Variants in TERF1 observed in about 807,000 individuals in gnomAD.
The protein encoded by TERF1 is telomeric repeat-binding factor 1.
Under a neutral mutation model 55.1 loss-of-function variants are expected in TERF1, and 20 were observed. The ratio of observed to expected loss-of-function variants is 0.36; its 90% CI spans 0.26 to 0.53. The LOEUF is 0.53. Among genes scored for constraint, TERF1 ranks in the 20% least tolerant of loss-of-function variants. The pLI, the probability that TERF1 is intolerant of heterozygous loss-of-function variation, is 0.91. For synonymous variants in TERF1, 168 were observed against 181.2 expected (o/e 0.93, Z 0.59); for missense variants, 439 against 535.7 (o/e 0.82, Z 1.78).
At chr8:73,022,581 TC>T (rs1416151637) in intron 4 of TERF1, among the ~76,000 whole-genome samples, 1 of 151,566 alleles carries the variant, frequency 6.6e-6, no homozygotes, top group African/African-American at 2.4e-5. Flanking sequence ...CATGGAGAGA[TC>T]CTCATCTCTC....
chr8:73,027,095 G>A lies in TERF1; in HGVS notation c.887+43G>A, dbSNP rs186810584. Reference sequence around the variant, plus strand: ...TTTGTATATTTTTTGTTTTATGAATGTTCTGTCTTTATGTAAAATTGATAT... The same window carrying A: ...TTTGTATATTTTTTGTTTTATGAATATTCTGTCTTTATGTAAAATTGATAT... On this transcript the variant is annotated intron_variant, in intron 6 of 9. Transcript: ENST00000276603. The A allele has an allele frequency of 6.4e-5, 90 of 1,395,398 alleles. No homozygotes were observed. In the East Asian group the frequency reaches 2.0e-3, roughly 31 times the overall value. 86.4% of individuals were successfully genotyped at this position (1,395,398 alleles called of 1,614,324 possible).
chr8:73,042,146 T>C (rs558427883), intron 9 of TERF1, among the ~76,000 whole-genome samples: 7 of 152,306 alleles, frequency 4.6e-5, no homozygotes, highest in Middle Eastern at 3.4e-3. Flanking sequence ...ACATGTTAGA[T>C]TGGAAACCAG....
At position 73,030,742 on chromosome 8, in the gene TERF1, G is replaced by A. The variant is rs533784503; in HGVS notation, c.947+347G>A. 12 of 183,148 alleles carry A rather than the reference G, an allele frequency of 6.6e-5. No individual in the cohort carries two copies. The East Asian group carries it at 1.4e-3, about 21-fold the overall frequency. 11.3% of individuals were successfully genotyped at this position (183,148 alleles called of 1,614,324 possible). A position where few individuals can be genotyped will look rare whatever the true frequency, so the allele number is the denominator to read the frequency against. ...GATGGCAATTACATTTCTAATGAAT[G>A]CCCCATGCCAATTTTATGAAAGTTA... On this transcript the variant is annotated intron_variant, in intron 7 of 9. Transcript: ENST00000276603.
intron 3 of TERF1, 22 bp from the exon 4 acceptor site, chr8:73,022,194 G>A (rs1554554046): frequency 1.4e-6 from 2 of 1,475,230 alleles, no homozygotes; most frequent in African/African-American, 2.9e-5. Flanking sequence ...GCAGTCTAAG[G>A]TTGGTATTTT....
chr8:73,035,897 G>A (rs1461219020), intron 8 of TERF1, among the ~76,000 whole-genome samples: 2 of 152,114 alleles, frequency 1.3e-5, no homozygotes, highest in East Asian at 1.9e-4. Flanking sequence ...GTTCCATATT[G>A]TCAGGGAAAA....
At chr8:73,039,293 T>A in intron 9 of TERF1, 74 bp downstream of exon 9, 1 of 1,091,796 alleles carries the variant, frequency 9.2e-7, no homozygotes, top group Non-Finnish European at 1.3e-6. Flanking sequence ...TGATTATTTC[T>A]GTTCAACCTC....
intron 5 of TERF1, among the ~76,000 whole-genome samples, chr8:73,026,575 G>A (rs1809011431): frequency 6.6e-6 from 1 of 151,250 alleles, no homozygotes; most frequent in Non-Finnish European, 1.5e-5. Context: ...AGTTGACAGT[G>A]TTATAGTGGA....
At chr8:73,027,458 C>G (rs990305051) in intron 6 of TERF1, among the ~76,000 whole-genome samples, 2 of 152,164 alleles carry the variant, frequency 1.3e-5, no homozygotes. Flanking sequence ...ACTGCTTCAT[C>G]TGGTGCTCAA....
chr8:73,022,788 A>G (rs1239616660), intron 4 of TERF1, among the ~76,000 whole-genome samples: 3 of 152,108 alleles, frequency 2.0e-5, no homozygotes, highest in Admixed American at 2.0e-4. Flanking sequence ...TCTCTACAAA[A>G]AAATTAAAAA....
Position 73,034,243 on chromosome 8 carries a change from T to G in TERF1, c.1039+2110T>G, listed in dbSNP as rs1435745303. Among the ~76,000 whole-genome samples the G allele has an allele frequency of 2.0e-5, 3 of 152,248 alleles. No homozygotes were observed. In the East Asian group the frequency reaches 5.8e-4, roughly 29 times the overall value. On this transcript the variant is annotated intron_variant, in intron 8 of 9. Transcript: ENST00000276603. ...ATTTCCAGGTTTCAAGCAATTCTCCTGCCTCAGCCTCCTGAGTAGCTGGGA... is the reference window on the plus strand; with the variant it reads ...ATTTCCAGGTTTCAAGCAATTCTCCGGCCTCAGCCTCCTGAGTAGCTGGGA...
chr8:73,032,754 TTTAA>T (rs1347459108), intron 8 of TERF1, among the ~76,000 whole-genome samples: 1 of 152,116 alleles, frequency 6.6e-6, no homozygotes, highest in Non-Finnish European at 1.5e-5. Context: ...AGTAGTTACG[TTTAA>T]TAAAGTCTGA....
At chr8:73,027,579 CA>C (rs1483978839) in intron 6 of TERF1, among the ~76,000 whole-genome samples, 1 of 152,078 alleles carries the variant, frequency 6.6e-6, no homozygotes, top group African/African-American at 2.4e-5. Flanking sequence ...TAGGGATTTT[CA>C]GGGGTGATTG....
chr8:73,042,864 G>C (rs562819024), intron 9 of TERF1: 32 of 152,202 alleles, frequency 2.1e-4, no homozygotes, highest in Non-Finnish European at 3.8e-4. Context: ...TTTTGTATTT[G>C]ATTTTTTGAG....
Position 73,033,699 on chromosome 8 carries a change from G to A in TERF1, c.1039+1566G>A, listed in dbSNP as rs567622950. ...TGCACTCCAGCCTGTGTGACAGAGC[G>A]AGACTGTCTCAAAAAAGAGAAAACA... is the stretch of plus-strand genomic sequence containing the variant. On this transcript the variant is annotated intron_variant, in intron 8 of 9. Transcript: ENST00000276603. 1.9e-4 allele frequency among the ~76,000 whole-genome samples: 29 copies of A among 152,216 alleles called. No individual in the cohort carries two copies. In the South Asian group the frequency reaches 5.6e-3, roughly 29 times the overall value.
Position 73,014,225 on chromosome 8 carries a change from ATTAC to A in TERF1, c.415+239_415+242del, listed in dbSNP as rs559504274. Reference sequence around the variant, plus strand: ...TTCTCAAACTTTAGCCTGCTCCAGAATTACTTAAAGGGCTTATTAAAAAAAAAAA... The same window carrying A: ...TTCTCAAACTTTAGCCTGCTCCAGAATTAAAGGGCTTATTAAAAAAAAAAA... On this transcript the variant is annotated intron_variant, in intron 2 of 9. Transcript: ENST00000276603. Among the ~76,000 whole-genome samples the A allele has an allele frequency of 2.6e-4, 26 of 99,818 alleles. No individual in the cohort carries two copies. The Admixed American group carries it at 2.6e-3, about 10-fold the overall frequency. 65.5% of individuals were successfully genotyped at this position (99,818 alleles called of 152,430 possible).
At chr8:73,018,743 T>C (rs1174013347) in intron 2 of TERF1, among the ~76,000 whole-genome samples, 1 of 152,176 alleles carries the variant, frequency 6.6e-6, no homozygotes, top group East Asian at 1.9e-4. Flanking sequence ...GCATACTTGC[T>C]ATGGAACTAC....
intron 8 of TERF1, among the ~76,000 whole-genome samples, chr8:73,037,826 TA>T (rs1208814718): frequency 1.9e-5 from 2 of 104,706 alleles, no homozygotes; most frequent in African/African-American, 3.9e-5. Flanking sequence ...ATATAATATA[TA>T]GTATAATAAT....
chr8:73,012,853 C>T, intron 1 of TERF1: 1 of 445,348 alleles, frequency 2.2e-6, no homozygotes, highest in South Asian at 1.6e-5. Context: ...TGTGTCTTCT[C>T]AGATTAAAAC....
chr8:73,030,010 A>C (rs1450025907), intron 6 of TERF1: 1 of 186,174 alleles, frequency 5.4e-6, no homozygotes, highest in African/African-American at 2.3e-5. Flanking sequence ...TTTATGTATC[A>C]ATTATACCTT....
Sources: gnomAD v4.1 joint callset for allele counts (sites outside exome capture counted in the v4.1 genomes callset) on GRCh38, gnomAD v4.1.1 for gene constraint, MANE v1.5 for transcripts, NCBI Gene and HGNC (gene_info 2026-07-23, HGNC 2026-07-21) for gene names.